The following DCLK1 variants were observed in gnomAD, a reference collection of about 807,000 sequenced individuals.
The protein encoded by DCLK1 is serine/threonine-protein kinase DCLK1.
Under a neutral mutation model 86.2 loss-of-function variants are expected in DCLK1, and 16 were observed. That is an observed-to-expected ratio of 0.19 (90% CI 0.13 to 0.28). The LOEUF (loss-of-function observed/expected upper bound fraction) is 0.28, where lower values mean the gene tolerates loss of function less well. Ranked by LOEUF, DCLK1 falls within the 10% of genes least tolerant of loss-of-function variation. The pLI is 1.00. For missense variants in DCLK1, 590 were observed against 940.2 expected, an observed-to-expected ratio of 0.63 and a Z score of 4.87; for synonymous variants, 369 against 370.5, an observed-to-expected ratio of 1.00 and a Z score of 0.05.
intron 4 of DCLK1, among the ~76,000 whole-genome samples, chr13:35,888,744 T>C (rs1201917106): frequency 6.6e-6 from 1 of 152,198 alleles, no homozygotes; most frequent in African/African-American, 2.4e-5. Flanking sequence ...ATCAAACAAA[T>C]CAGTCATTAC....
At chr13:36,078,949 G>A (rs759793761) in intron 3 of DCLK1, among the ~76,000 whole-genome samples, 6 of 152,244 alleles carry the variant, frequency 3.9e-5, no homozygotes, top group South Asian at 4.1e-4. Context: ...AGAGAAAACC[G>A]AGGGGGATGG....
intron 3 of DCLK1, among the ~76,000 whole-genome samples, chr13:36,079,000 G>T (rs1884320262): frequency 6.6e-6 from 1 of 152,134 alleles, no homozygotes; most frequent in Non-Finnish European, 1.5e-5. Context: ...GTCAGGGAGA[G>T]AAAATCAACC....
intron 6 of DCLK1, among the ~76,000 whole-genome samples, chr13:35,853,728 T>TC (rs1171528449): frequency 1.3e-5 from 2 of 152,122 alleles, no homozygotes; most frequent in South Asian, 4.2e-4. Flanking sequence ...GAGCGTACAT[T>TC]CCCCCCACCT....
At chr13:35,825,980 T>C (rs1286757254) in intron 10 of DCLK1, among the ~76,000 whole-genome samples, 2 of 151,458 alleles carry the variant, frequency 1.3e-5, no homozygotes, top group African/African-American at 4.8e-5. Context: ...GCCCGGCTAA[T>C]TTTTTGTATT....
chr13:36,079,405 G>C (rs961123639), intron 3 of DCLK1, among the ~76,000 whole-genome samples: 2 of 152,132 alleles, frequency 1.3e-5, no homozygotes, highest in African/African-American at 4.8e-5. Flanking sequence ...TGAGGCGGGA[G>C]GATCGCCTCA....
chr13:36,064,098 T>A (rs923587790), intron 3 of DCLK1, among the ~76,000 whole-genome samples: 3 of 152,186 alleles, frequency 2.0e-5, no homozygotes, highest in African/African-American at 7.2e-5. Context: ...CTCACAGTAT[T>A]TGATGAATAC....
intron 5 of DCLK1, among the ~76,000 whole-genome samples, chr13:35,859,665 CTCT>C (rs148296184): frequency 0.074 from 11,249 of 152,232 alleles, 466 homozygotes; most frequent in Middle Eastern, 0.12. Flanking sequence ...GGTGAACCAA[CTCT>C]TCTTCACTAA....
rs2138220373 is a variant in DCLK1 at position 36,125,816 on chromosome 13, T to C, written c.322A>G (p.Ile108Val). 1.2e-6 allele frequency: 2 copies of C among 1,613,984 alleles called. No homozygotes were observed. Among genetic ancestry groups the C allele is most frequent in the Admixed American group, 1.7e-5 (1 of 60,006 alleles). The stretch of plus-strand genomic sequence containing the variant: ...TTCTTGAGCCCATCAATGGTGTAGA[T>C]TGTTCTCACTCCCTGGGGCAAATTC... Reference protein sequence around the residue: ...NVNLPQGVRTIYTIDGLKKIS... With the variant: ...NVNLPQGVRTVYTIDGLKKIS... The change falls in exon 2 of 17, where the codon ATC becomes GTC. Residue 108 changes from isoleucine (I) to valine (V), a missense_variant. Physicochemically the swap from Ile to Val is conservative, Grantham distance 29 (BLOSUM62 3). Around this residue, in one of 6 missense-constraint regions of DCLK1, gnomAD observed 195 missense variants for 365.1 expected, o/e 0.53. Coordinates refer to ENST00000360631, the MANE Select transcript of DCLK1 (RefSeq NM_001330071.2).
chr13:36,032,424 G>A (rs996570423), intron 3 of DCLK1, among the ~76,000 whole-genome samples: 12 of 152,172 alleles, frequency 7.9e-5, no homozygotes, highest in East Asian at 1.9e-4. Context: ...GATTATAGGC[G>A]TGAGCCACTG....
At chr13:36,074,230 T>C (rs1313421664) in intron 3 of DCLK1, among the ~76,000 whole-genome samples, 1 of 151,602 alleles carries the variant, frequency 6.6e-6, no homozygotes, top group African/African-American at 2.4e-5. Context: ...CGGCCGGGCG[T>C]GGTGGCTCAC....
At chr13:36,074,868 A>G (rs1313637308) in intron 3 of DCLK1, among the ~76,000 whole-genome samples, 1 of 152,184 alleles carries the variant, frequency 6.6e-6, no homozygotes, top group Non-Finnish European at 1.5e-5. Context: ...TTAGCAACCA[A>G]TGTCGACAAC....
At chr13:35,808,902 T>C in intron 13 of DCLK1, 116 bp downstream of exon 13, 2 of 729,188 alleles carry the variant, frequency 2.7e-6, no homozygotes, top group South Asian at 3.3e-5. Flanking sequence ...GGATTGCAAG[T>C]AAAGTTCTTG....
At chr13:35,981,275 G>T (rs1000931990) in intron 3 of DCLK1, among the ~76,000 whole-genome samples, 1 of 151,892 alleles carries the variant, frequency 6.6e-6, no homozygotes, top group Middle Eastern at 3.4e-3. Context: ...TGGCCTCAAA[G>T]TTCATTCATT....
At chr13:35,926,351 C>T (rs912068313) in intron 4 of DCLK1, among the ~76,000 whole-genome samples, 1 of 152,230 alleles carries the variant, frequency 6.6e-6, no homozygotes, top group African/African-American at 2.4e-5. Flanking sequence ...AGCCACCGTG[C>T]CCAGCTGCAA....
chr13:36,064,430 G>T (rs9575214), intron 3 of DCLK1, among the ~76,000 whole-genome samples: 32,798 of 152,148 alleles, frequency 0.22, 4,163 homozygotes, highest in Non-Finnish European at 0.28. Flanking sequence ...GGAGGCTGAG[G>T]TTGGCGGATC....
chr13:35,846,906 C>G (rs1454283706), intron 6 of DCLK1: 2 of 985,144 alleles, frequency 2.0e-6, no homozygotes, highest in African/African-American at 1.7e-5. Flanking sequence ...AAAGAACATA[C>G]AGAATCGCCT....
At position 35,813,171 on chromosome 13, in the gene DCLK1, C is replaced by A. The variant is rs565749429; in HGVS notation, c.1555-2203G>T. Reference sequence around the variant, plus strand: ...TACTTCCTTAATTCCATTTTGTTAACAATAACCTTTCTAAAATGCAAAATA... The same window carrying A: ...TACTTCCTTAATTCCATTTTGTTAAAAATAACCTTTCTAAAATGCAAAATA... On this transcript the variant is annotated intron_variant, in intron 11 of 16. Transcript: ENST00000360631. 2.6e-5 allele frequency among the ~76,000 whole-genome samples: 4 copies of A among 152,286 alleles called. 1 individual carries two copies. The South Asian group carries it at 8.3e-4, about 32-fold the overall frequency.
At chr13:36,086,667 G>A (rs1884617641) in intron 3 of DCLK1, among the ~76,000 whole-genome samples, 1 of 151,910 alleles carries the variant, frequency 6.6e-6, no homozygotes, top group African/African-American at 2.4e-5. Context: ...TCCCCTCCCT[G>A]TGTCCATGTA....
At chr13:35,953,278 T>C (rs772181074) in intron 3 of DCLK1, among the ~76,000 whole-genome samples, 2 of 152,112 alleles carry the variant, frequency 1.3e-5, no homozygotes, top group Non-Finnish European at 2.9e-5. Flanking sequence ...CGGAGGTCAC[T>C]TAGAACCCAA....
Sources: gnomAD v4.1 joint callset for allele counts (sites outside exome capture counted in the v4.1 genomes callset) on GRCh38, gnomAD v4.1.1 for gene constraint, gnomAD v4.1.1 regional missense constraint, MANE v1.5 for transcripts, NCBI Gene and HGNC (gene_info 2026-07-23, HGNC 2026-07-21) for gene names.